BMPR1B: variants seen among roughly 807,000 people sequenced by gnomAD.
The protein encoded by BMPR1B is bone morphogenetic protein receptor type 1B.
A neutral mutation model predicts 59.1 loss-of-function variants in BMPR1B; 12 were observed. The observed-to-expected ratio is 0.20, with a 90% CI of 0.13 to 0.33. BMPR1B has a LOEUF of 0.33. Ranked by LOEUF, BMPR1B falls within the 10% of genes least tolerant of loss-of-function variation. The pLI is 1.00. For synonymous variants in BMPR1B, 237 were observed against 207.3 expected, an observed-to-expected ratio of 1.14 and a Z score of -1.23; for missense variants, 550 against 610.9, an observed-to-expected ratio of 0.90 and a Z score of 1.05.
chr4:94,912,107 A>C (rs1728296215), intron 2 of BMPR1B, among the ~76,000 whole-genome samples: 1 of 152,096 alleles, frequency 6.6e-6, no homozygotes. Flanking sequence ...ACAAAAGTGG[A>C]AACTGTTAGA....
Position 94,816,419 on chromosome 4 carries a change from C to G in BMPR1B, c.-183+58351C>G, listed in dbSNP as rs182323177. On this transcript the variant is annotated intron_variant, in intron 1 of 12. Coordinates refer to ENST00000515059, the MANE Select transcript of BMPR1B (RefSeq NM_001203.3). ...CTGACCTCGTGATCCCCCCTTGGGC[C>G]TTGCAAAGTGCTAGGATTACAGGCA... is the stretch of plus-strand genomic sequence containing the variant. 2.6e-5 allele frequency among the ~76,000 whole-genome samples: 4 copies of G among 152,224 alleles called. No homozygotes were observed. The East Asian group carries it at 7.7e-4, about 29-fold the overall frequency.
chr4:94,802,744 A>G (rs938326857), intron 1 of BMPR1B, among the ~76,000 whole-genome samples: 4 of 152,150 alleles, frequency 2.6e-5, no homozygotes, highest in Non-Finnish European at 5.9e-5. Context: ...AATAAGGCTC[A>G]TTTATTCATT....
chr4:94,956,478 A>T (rs1034279104), intron 2 of BMPR1B, among the ~76,000 whole-genome samples: 2 of 152,112 alleles, frequency 1.3e-5, no homozygotes, highest in African/African-American at 4.8e-5. Context: ...TTCTTTTTTA[A>T]TTGAGGTCAG....
At chr4:94,872,493 C>CT (rs1726540728) in intron 1 of BMPR1B, among the ~76,000 whole-genome samples, 1 of 152,026 alleles carries the variant, frequency 6.6e-6, no homozygotes, top group Admixed American at 6.5e-5. Context: ...ATTTTTAAAC[C>CT]TTTTCAGATG....
In BMPR1B at chr4:95,124,958, ATTATCTT is replaced by A; in HGVS notation, c.447-24_447-18del. The stretch of plus-strand genomic sequence containing the variant: ...CCATCATTGCATTTCATTATCTAAA[ATTATCTT>A]CATCTATCCATCTTTAGGTATAAAA... On this transcript the variant is annotated intron_variant, in intron 7 of 12. Coordinates refer to ENST00000515059, the MANE Select transcript of BMPR1B (RefSeq NM_001203.3). 1 of 1,602,492 alleles carries A rather than the reference ATTATCTT, an allele frequency of 6.2e-7. No homozygotes were observed. The highest frequency in any genetic ancestry group is 8.5e-7 in the Non-Finnish European group (1 of 1,169,794).
intron 3 of BMPR1B, among the ~76,000 whole-genome samples, chr4:95,028,555 C>G (rs1488695926): frequency 6.6e-6 from 1 of 152,006 alleles, no homozygotes; most frequent in African/African-American, 2.4e-5. Flanking sequence ...AATTATGAAA[C>G]TAGAAAAGAG....
At chr4:95,050,674 A>G (rs1404401051) in intron 3 of BMPR1B, among the ~76,000 whole-genome samples, 1 of 152,200 alleles carries the variant, frequency 6.6e-6, no homozygotes, top group African/African-American at 2.4e-5. Context: ...GATATCTTAG[A>G]TATAAACATT....
intron 1 of BMPR1B, among the ~76,000 whole-genome samples, chr4:94,814,284 A>G (rs560323407): frequency 1.3e-5 from 2 of 152,346 alleles, no homozygotes; most frequent in African/African-American, 4.8e-5. Context: ...ATAACTTGGA[A>G]AGGAAAACTT....
chr4:94,919,741 C>CAT (rs1350182723), intron 2 of BMPR1B, among the ~76,000 whole-genome samples: 24 of 152,214 alleles, frequency 1.6e-4, no homozygotes, highest in African/African-American at 5.8e-4. Context: ...TGGGCAAAGT[C>CAT]TATGATCCAG....
chr4:95,132,903 C>T (rs1356546569), intron 10 of BMPR1B, among the ~76,000 whole-genome samples: 1 of 152,164 alleles, frequency 6.6e-6, no homozygotes, highest in African/African-American at 2.4e-5. Context: ...GTGTCCAAAC[C>T]TTTCTTTCTC....
At chr4:94,798,006 G>A (rs1388217145) in intron 1 of BMPR1B, among the ~76,000 whole-genome samples, 2 of 152,080 alleles carry the variant, frequency 1.3e-5, no homozygotes, top group Admixed American at 6.5e-5. Flanking sequence ...CATCGTAATA[G>A]TATTTATTTA....
chr4:94,872,810 A>G (rs1044898017), intron 1 of BMPR1B, among the ~76,000 whole-genome samples: 3 of 152,256 alleles, frequency 2.0e-5, no homozygotes, highest in Non-Finnish European at 4.4e-5. Flanking sequence ...TTACTTACAT[A>G]ATGCTTTCTG....
intron 1 of BMPR1B, among the ~76,000 whole-genome samples, chr4:94,761,797 T>G (rs949341324): frequency 8.5e-5 from 13 of 152,132 alleles, no homozygotes; most frequent in African/African-American, 3.1e-4. Context: ...GAGATACTAT[T>G]AATAATTTCA....
intron 1 of BMPR1B, among the ~76,000 whole-genome samples, chr4:94,818,272 A>G (rs543585238): frequency 7.2e-5 from 11 of 152,204 alleles, no homozygotes; most frequent in Non-Finnish European, 1.3e-4. Flanking sequence ...TTAGAGTTAT[A>G]TACTGCTAAG....
intron 1 of BMPR1B, among the ~76,000 whole-genome samples, chr4:94,810,557 A>G (rs988431297): frequency 1.3e-5 from 2 of 152,254 alleles, no homozygotes; most frequent in South Asian, 2.1e-4. Context: ...GTGAGCTTAC[A>G]TGAAACATTT....
chr4:94,989,244 C>T (rs1034056090), intron 2 of BMPR1B, among the ~76,000 whole-genome samples: 3 of 152,020 alleles, frequency 2.0e-5, no homozygotes, highest in Non-Finnish European at 2.9e-5. Context: ...CAAAAATTAG[C>T]TGGGCATGGT....
chr4:95,083,037 CAAAAAAAAA>C (rs1171888403), intron 3 of BMPR1B, among the ~76,000 whole-genome samples: 5 of 60,644 alleles, frequency 8.2e-5, no homozygotes, highest in Non-Finnish European at 1.1e-4. Context: ...TACTCTGTCT[CAAAAAAAAA>C]AAAAAAAAAA....
intron 1 of BMPR1B, among the ~76,000 whole-genome samples, chr4:94,788,335 TACTGGGG>T (rs962416093): frequency 1.3e-5 from 2 of 152,132 alleles, no homozygotes; most frequent in African/African-American, 4.8e-5. Flanking sequence ...TATTGCTACA[TACTGGGG>T]ACAGGGAGGA....
rs140405832 is a variant in BMPR1B at position 94,768,449 on chromosome 4, A to G, written c.-183+10381A>G. ...AGCGATTTTCCCCCTAAATCCTAAC[A>G]ATATAGGAATGTTCATTTGCATTCT... On this transcript the variant is annotated intron_variant, in intron 1 of 12. Coordinates refer to ENST00000515059, the MANE Select transcript of BMPR1B (RefSeq NM_001203.3). Among the ~76,000 whole-genome samples, 14 of 152,218 alleles carry G rather than the reference A, an allele frequency of 9.2e-5. No individual in the cohort carries two copies. In the East Asian group the frequency reaches 2.7e-3, roughly 29 times the overall value.
Sources: gnomAD v4.1 joint callset for allele counts (sites outside exome capture counted in the v4.1 genomes callset) on GRCh38, gnomAD v4.1.1 for gene constraint, MANE v1.5 for transcripts, NCBI Gene and HGNC (gene_info 2026-07-23, HGNC 2026-07-21) for gene names.